Variants in GTPBP1 observed in about 807,000 individuals in gnomAD.
GTPBP1 encodes the protein GTP binding protein 1.
Under a neutral mutation model 62.0 loss-of-function variants are expected in GTPBP1, and 23 were observed. That is an observed-to-expected ratio of 0.37 (90% confidence interval 0.27 to 0.53). The LOEUF (loss-of-function observed/expected upper bound fraction) is 0.53, where lower values mean the gene tolerates loss of function less well. GTPBP1 is among the 20% of genes least tolerant of loss of function. The pLI, the probability that GTPBP1 is intolerant of heterozygous loss-of-function variation, is 0.89. For missense variants in GTPBP1, 640 were observed against 917.3 expected (o/e 0.70, Z 3.90); for synonymous variants, 344 against 364.4 (o/e 0.94, Z 0.64).
At chr22:38,729,810 G>A (rs761507460) in intron 11 of GTPBP1, 148 bp downstream of exon 11, 5 of 508,208 alleles carry the variant, frequency 9.8e-6, no homozygotes, top group Admixed American at 8.1e-5. Context: ...TAAGAATGAG[G>A]CATTTGTCTC....
chr22:38,734,733 C>CTCTTGGG (rs1238112297), downstream of GTPBP1: 1 of 174,484 alleles, frequency 5.7e-6, no homozygotes, highest in Non-Finnish European at 1.3e-5. Context: ...CATCCCACAG[C>CTCTTGGG]TCTTGGGCGT....
At chr22:38,736,210 G>A (rs1033817079), downstream of GTPBP1, 20 of 1,509,052 alleles carry the variant, frequency 1.3e-5, no homozygotes, top group Non-Finnish European at 1.6e-5. Flanking sequence ...TGGGGGAAGC[G>A]GCGGGGTGCT....
rs146596919 is a variant in GTPBP1, at chr22:38,715,974, G to A, written c.372G>A (p.Ala124=). Residue 124 remains alanine (A), a synonymous_variant, in exon 3 of 12, where the codon GCG becomes GCA. Transcript: ENST00000216044. ...EASYATVKSM[A]EQIEADVILL... ...CCTACGCCACAGTGAAGAGCATGGC[G>A]GAACAGATAGAGGCCGATGTCATCC... The A allele has an allele frequency of 8.1e-6, 13 of 1,613,920 alleles. No homozygotes were observed. Among genetic ancestry groups the A allele is most frequent in the Middle Eastern group, 3.3e-4 (2 of 6,082 alleles).
At chr22:38,721,943 A>C (rs1291979592) in intron 5 of GTPBP1, 78 bp downstream of exon 5, 1 of 1,063,552 alleles carries the variant, frequency 9.4e-7, no homozygotes, top group African/African-American at 1.6e-5. Context: ...GTCTGCTACC[A>C]CGGCTTTAGC....
Position 38,728,300 on chromosome 22 carries a change from C to T in GTPBP1, c.1716+139C>T, listed in dbSNP as rs2092737693. 2.6e-5 allele frequency: 17 copies of T among 653,450 alleles called. 1 individual carries two copies. The South Asian group carries it at 3.0e-4, about 11-fold the overall frequency. 40.5% of individuals were successfully genotyped at this position (653,450 alleles called of 1,614,324 possible). A position where few individuals can be genotyped will look rare whatever the true frequency, so the allele number is the denominator to read the frequency against. On this transcript the variant is annotated intron_variant, in intron 10 of 11. Transcript: ENST00000216044. ...CTGAGGTGTGGCCTCGGTGCCATCT[C>T]TCTACTCCCTTAGAGGTATCCTGTG...
At chr22:38,708,209 A>G (rs976293540) in intron 1 of GTPBP1, among the ~76,000 whole-genome samples, 3 of 152,214 alleles carry the variant, frequency 2.0e-5, no homozygotes, top group African/African-American at 7.2e-5. Flanking sequence ...ATGGGGTCTG[A>G]TTGCCAAATG....
chr22:38,710,550 C>T (rs112744611), intron 2 of GTPBP1, among the ~76,000 whole-genome samples: 18 of 151,922 alleles, frequency 1.2e-4, no homozygotes, highest in African/African-American at 3.9e-4. Context: ...TAAGAGGTTG[C>T]GTATCAAGAA....
intron 5 of GTPBP1, among the ~76,000 whole-genome samples, chr22:38,724,087 A>G (rs2092714692): frequency 6.6e-6 from 1 of 152,082 alleles, no homozygotes. Context: ...AACCCTAGAA[A>G]AGAGGCCCCA....
chr22:38,721,681 G>T lies in GTPBP1; in HGVS notation c.835-61G>T. The T allele has an allele frequency of 3.2e-6, 5 of 1,541,470 alleles. No homozygotes were observed. The South Asian group carries it at 4.7e-5, about 14-fold the overall frequency. On this transcript the variant is annotated intron_variant, in intron 4 of 11. Transcript: ENST00000216044. ...TCCACATCTGCTTTTGAGCCCCTGT[G>T]TCCACCCAGCAGCAATCTCTTTCTC...
At chr22:38,708,070 A>G (rs1192471541) in intron 1 of GTPBP1, among the ~76,000 whole-genome samples, 1 of 152,210 alleles carries the variant, frequency 6.6e-6, no homozygotes, top group African/African-American at 2.4e-5. Context: ...GATGCTTTAC[A>G]TGTTATTATA....
Position 38,729,323 on chromosome 22 carries a change from C to G in GTPBP1, c.1717-139C>G, listed in dbSNP as rs2092743294. 1.7e-5 allele frequency: 10 copies of G among 601,376 alleles called. No homozygotes were observed. The East Asian group carries it at 3.1e-4, about 19-fold the overall frequency. 37.3% of individuals were successfully genotyped at this position (601,376 alleles called of 1,614,324 possible). A position where few individuals can be genotyped will look rare whatever the true frequency, so the allele number is the denominator to read the frequency against. ...CCCACTGCCTCCTGTCACAGCCTTC[C>G]TGCCATCTGCCTTGCCCTGAACTGG... On this transcript the variant is annotated intron_variant, in intron 10 of 11. Transcript: ENST00000216044.
downstream of GTPBP1, chr22:38,738,975 G>A (rs1318955450): frequency 1.2e-6 from 2 of 1,611,252 alleles, no homozygotes; most frequent in Non-Finnish European, 1.7e-6. The surrounding 1 kb of genome is among the most constrained non-coding windows in gnomAD (Gnocchi z 6.6). Flanking sequence ...ATCGGGTGCT[G>A]ATGACGCTGG....
In GTPBP1 at chr22:38,724,638, G is replaced by A. The variant is rs114684983; in HGVS notation, c.1073+227G>A. Among the ~76,000 whole-genome samples the A allele has an allele frequency of 9.5e-3, 1,442 of 152,296 alleles. 27 individuals carry two copies. Among genetic ancestry groups the A allele is most frequent in the African/African-American group, 0.034 (1,403 of 41,562 alleles). ...GGTAATATCACGTAACCCAGATTGT[G>A]AGGTGCTGGCATTCCTGGGGTTGGC... On this transcript the variant is annotated intron_variant, in intron 6 of 11. Coordinates refer to ENST00000216044, the MANE Select transcript of GTPBP1 (RefSeq NM_004286.5).
chr22:38,725,615 A>G (rs1444196539), intron 6 of GTPBP1, among the ~76,000 whole-genome samples: 1 of 152,220 alleles, frequency 6.6e-6, no homozygotes, highest in Non-Finnish European at 1.5e-5. Flanking sequence ...TACAAGCCCA[A>G]GCCAAAGGGC....
rs1247087481 is a variant in GTPBP1, at chr22:38,716,758, C to T, written c.592C>T (p.Arg198Cys). Residue 198 changes from arginine to cysteine, a missense_variant, in exon 4 of 12, where the codon CGC (arginine) becomes TGC (cysteine). By Grantham distance (180) the Arg-to-Cys change is radical. Around this residue, in one of 4 missense-constraint regions of GTPBP1, gnomAD observed 88 missense variants for 217.0 expected, o/e 0.41. Coordinates refer to ENST00000216044, the MANE Select transcript of GTPBP1 (RefSeq NM_004286.5). This position sits in a 1 kb window ranked among gnomAD's most constrained non-coding sequence, Gnocchi z 5.2. ...GRGFARQKLF[R>C]HKHEIESGRT... ...AGGCTTTGCCCGCCAGAAACTCTTCCGCCACAAACATGAAATTGAATCTGG... is the reference window on the plus strand; with the variant it reads ...AGGCTTTGCCCGCCAGAAACTCTTCTGCCACAAACATGAAATTGAATCTGG... 7 of 1,614,002 alleles carry T rather than the reference C, an allele frequency of 4.3e-6. No individual in the cohort carries two copies. The highest frequency in any genetic ancestry group is 1.7e-5 in the Admixed American group (1 of 59,994).
At chr22:38,740,271 TC>T, downstream of GTPBP1, 1 of 1,586,832 alleles carries the variant, frequency 6.3e-7, no homozygotes, top group Non-Finnish European at 8.6e-7. This position sits in a 1 kb window ranked among gnomAD's most constrained non-coding sequence, Gnocchi z 4.8. Flanking sequence ...ACTCACGTCG[TC>T]CCGCACGGCC....
Position 38,724,341 on chromosome 22 carries a change from C to T in GTPBP1, c.1003C>T (p.Arg335Trp). Reference protein sequence around the residue: ...LQRLLKSPGCRKIPVLVQSKD... With the variant: ...LQRLLKSPGCWKIPVLVQSKD... Reference sequence around the variant, plus strand: ...GCGCCTGCTGAAGTCACCAGGCTGCCGGAAGATCCCCGTGCTGGTGCAGAG... The same window carrying T: ...GCGCCTGCTGAAGTCACCAGGCTGCTGGAAGATCCCCGTGCTGGTGCAGAG... The change falls in exon 6 of 12, where the codon CGG becomes TGG. Residue 335 changes from arginine (R) to tryptophan (W), a missense_variant. Arg to Trp is a moderately radical substitution (Grantham distance 101, BLOSUM62 -3). Transcript: ENST00000216044. The T allele has an allele frequency of 6.2e-7, 1 of 1,613,650 alleles. No individual in the cohort carries two copies. Among genetic ancestry groups the T allele is most frequent in the Non-Finnish European group, 8.5e-7 (1 of 1,179,636 alleles).
In GTPBP1 at chr22:38,731,011, TGTG is replaced by T. The variant is rs2092756146; in HGVS notation, c.*308_*310del. The T allele has an allele frequency of 8.3e-5, 5 of 60,454 alleles. No individual in the cohort carries two copies. In the Admixed American group the frequency reaches 9.6e-4, roughly 12 times the overall value. The allele number at this position is 60,454 out of a possible 1,614,324, so 3.7% of individuals were successfully genotyped here. A position where few individuals can be genotyped will look rare whatever the true frequency, so the allele number is the denominator to read the frequency against. ...ATTATATGTCTCTGTCTCTCTCTAT[TGTG>T]TGTGTGTGTGTGTGTGTGTGTGTGT... is the stretch of plus-strand genomic sequence containing the variant. On this transcript the variant is annotated 3_prime_UTR_variant, in exon 12 of 12. Transcript: ENST00000216044.
intron 1 of GTPBP1, among the ~76,000 whole-genome samples, chr22:38,708,416 C>T (rs1298000485): frequency 3.9e-5 from 6 of 152,182 alleles, no homozygotes; most frequent in African/African-American, 1.4e-4. Context: ...CTGGAAGCCA[C>T]TGGCCTGTGG....
Sources: allele counts gnomAD v4.1 joint callset (sites outside exome capture counted in the v4.1 genomes callset), GRCh38; gene constraint gnomAD v4.1.1; regional missense constraint gnomAD v4.1.1; non-coding constraint Gnocchi (gnomAD v3.1); transcripts MANE v1.5; gene names NCBI Gene and HGNC (gene_info 2026-07-23, HGNC 2026-07-21).